The following GLIS2 variants were observed in gnomAD, a reference collection of about 807,000 sequenced individuals.
The protein encoded by GLIS2 is zinc finger protein GLIS2.
A neutral mutation model predicts 35.6 loss-of-function variants in GLIS2; 14 were observed. The ratio of observed to expected loss-of-function variants is 0.39; its 90% CI spans 0.26 to 0.61. The LOEUF (loss-of-function observed/expected upper bound fraction) is 0.61, where lower values mean the gene tolerates loss of function less well. GLIS2 is among the 20% of genes least tolerant of loss of function. The pLI, the probability that GLIS2 is intolerant of heterozygous loss-of-function variation, is 0.48. For missense variants in GLIS2, 675 were observed against 713.4 expected (o/e 0.95, Z 0.61); for synonymous variants, 368 against 325.1 (o/e 1.13, Z -1.42).
rs1030489640 is a variant in GLIS2, at chr16:4,332,555, G to A, written c.172+103G>A. ...CCAGCATGTAGCTGCAGCCCCTCTC[G>A]GCTTCCGGTTCATGGGAAGCCCGCA... On this transcript the variant is annotated intron_variant, in intron 2 of 6. Transcript: ENST00000433375. This position sits in a 1 kb window ranked among gnomAD's most constrained non-coding sequence, Gnocchi z 5.4. The A allele has an allele frequency of 1.3e-5, 18 of 1,367,214 alleles. No homozygotes were observed. Among genetic ancestry groups the A allele is most frequent in the South Asian group, 9.9e-5 (8 of 80,872 alleles). The allele number at this position is 1,367,214 out of a possible 1,614,324, so 84.7% of individuals were successfully genotyped here.
chr16:4,335,483 A>G lies in GLIS2; in HGVS notation c.775+90A>G, dbSNP rs912733393. ...GGTCCCCAGGGGGAGGGGACTGTTA[A>G]GTAAATCCCGGGCCTCAGAGATAAG... On this transcript the variant is annotated intron_variant, in intron 6 of 6. Coordinates refer to ENST00000433375, the MANE Select transcript of GLIS2 (RefSeq NM_032575.3). The surrounding 1 kb of genome is among the most constrained non-coding windows in gnomAD (Gnocchi z 4.6). 7 of 1,156,136 alleles carry G rather than the reference A, an allele frequency of 6.1e-6. No homozygotes were observed. The Admixed American group carries it at 1.2e-4, about 20-fold the overall frequency. The allele number at this position is 1,156,136 out of a possible 1,614,324, so 71.6% of individuals were successfully genotyped here.
chr16:4,332,842 T>C lies in GLIS2; in HGVS notation c.172+390T>C, dbSNP rs2053512244. On this transcript the variant is annotated intron_variant, in intron 2 of 6. Transcript: ENST00000433375. This position sits in a 1 kb window ranked among gnomAD's most constrained non-coding sequence, Gnocchi z 5.4. ...GGTGCCTCTCAGGGATTCCCGGTGC[T>C]TGGGCCCAGGGTGGTGGGCACCACT... Among the ~76,000 whole-genome samples, 1 of 152,182 alleles carries C rather than the reference T, an allele frequency of 6.6e-6. No homozygotes were observed. The highest frequency in any genetic ancestry group is 1.5e-5 in the Non-Finnish European group (1 of 68,032).
At chr16:4,317,331 G>A (rs2053324804) in intron 1 of GLIS2, among the ~76,000 whole-genome samples, 1 of 152,146 alleles carries the variant, frequency 6.6e-6, no homozygotes, top group African/African-American at 2.4e-5. Context: ...CATGGAAAGG[G>A]CCTGGGCCAT....
intron 3 of GLIS2, 105 bp from the exon 4 acceptor site, chr16:4,334,696 G>A: frequency 2.2e-6 from 3 of 1,351,992 alleles, no homozygotes; most frequent in Non-Finnish European, 3.1e-6. Context: ...CTGGGGAGAA[G>A]AGGACCTGAA....
intron 1 of GLIS2, among the ~76,000 whole-genome samples, chr16:4,321,148 G>A (rs1227622951): frequency 6.6e-6 from 1 of 152,212 alleles, no homozygotes; most frequent in Admixed American, 6.5e-5. Context: ...GCTATCTGGG[G>A]CTGGGGGCCA....
rs553673082 is a variant in GLIS2 at position 4,327,481 on chromosome 16, T to G, written c.-66-4734T>G. Among the ~76,000 whole-genome samples the G allele has an allele frequency of 8.5e-5, 13 of 152,248 alleles. No individual in the cohort carries two copies. The South Asian group carries it at 2.7e-3, about 32-fold the overall frequency. On this transcript the variant is annotated intron_variant, in intron 1 of 6. Coordinates refer to ENST00000433375, the MANE Select transcript of GLIS2 (RefSeq NM_032575.3). The stretch of plus-strand genomic sequence containing the variant: ...GAGTGTGCTGGGTCGCCCCGTGCCT[T>G]CCAGTAGGGAGGGTGGGGACAGTGG...
intron 1 of GLIS2, among the ~76,000 whole-genome samples, chr16:4,323,466 G>A (rs1015574845): frequency 6.6e-6 from 1 of 152,224 alleles, no homozygotes; most frequent in Non-Finnish European, 1.5e-5. Context: ...GCAGCGGGGG[G>A]GTGGAGGCCA....
Position 4,337,783 on chromosome 16 carries a change from T to C in GLIS2, c.*259T>C. On this transcript the variant is annotated 3_prime_UTR_variant, in exon 7 of 7. Transcript: ENST00000433375. Reference sequence around the variant, plus strand: ...CTGTCTGTCCCCCACCACCTGGCCCTCAGCTTCTGAGAGGCTTTCCCCTGC... The same window carrying C: ...CTGTCTGTCCCCCACCACCTGGCCCCCAGCTTCTGAGAGGCTTTCCCCTGC... 1.7e-6 allele frequency: 1 copy of C among 595,614 alleles called. No homozygotes were observed. Among genetic ancestry groups the C allele is most frequent in the Non-Finnish European group, 3.0e-6 (1 of 332,660 alleles). 36.9% of individuals were successfully genotyped at this position (595,614 alleles called of 1,614,324 possible).
intron 3 of GLIS2, 57 bp downstream of exon 3, chr16:4,333,576 T>C: frequency 2.0e-6 from 3 of 1,537,246 alleles, no homozygotes; most frequent in Admixed American, 1.8e-5. Context: ...GGGGTTGCCA[T>C]GACAAAGTAC....
chr16:4,337,508 C>A lies in GLIS2; in HGVS notation c.1559C>A (p.Pro520Gln). The A allele has an allele frequency of 6.4e-7, 1 of 1,561,196 alleles. No individual in the cohort carries two copies. The highest frequency in any genetic ancestry group is 2.3e-5 in the East Asian group (1 of 42,942). The change falls in exon 7 of 7, where the codon CCG becomes CAG. Residue 520 changes from proline (P) to glutamine (Q), a missense_variant. Pro to Gln is a moderately conservative substitution (Grantham distance 76). This residue lies in a region of GLIS2 where 317 missense variants were observed against 283.2 expected (regional missense o/e 1.12). Transcript: ENST00000433375. ...VIPPGSVLLK[P>Q]AVVN ...CCGCCGGGCTCGGTGCTGCTCAAAC[C>A]GGCTGTGGTGAACTGAGCCCATCCT...
At chr16:4,319,052 C>T (rs1228080353) in intron 1 of GLIS2, among the ~76,000 whole-genome samples, 4 of 152,100 alleles carry the variant, frequency 2.6e-5, no homozygotes, top group African/African-American at 9.7e-5. Flanking sequence ...GAGGCTGCCT[C>T]CGAAGGTTCC....
chr16:4,318,392 C>A (rs1025701589), intron 1 of GLIS2, among the ~76,000 whole-genome samples: 6 of 152,198 alleles, frequency 3.9e-5, no homozygotes, highest in Admixed American at 1.3e-4. Flanking sequence ...GTAAATCCAG[C>A]AAAAGCCAAC....
At chr16:4,315,662 G>A (rs1214367980), upstream of GLIS2, among the ~76,000 whole-genome samples, 1 of 142,812 alleles carries the variant, frequency 7.0e-6, no homozygotes, top group Admixed American at 6.8e-5. Context: ...CGGGGGCGGG[G>A]CCGCGGGGGG....
In GLIS2 at chr16:4,334,710, C is replaced by G. The variant is rs1029974157; in HGVS notation, c.346-91C>G. On this transcript the variant is annotated intron_variant, in intron 3 of 6. Transcript: ENST00000433375. Reference sequence around the variant, plus strand: ...GCTGGGGAGAAGAGGACCTGAATGTCTCTGTTTGGGGACACCATTCAGTCC... The same window carrying G: ...GCTGGGGAGAAGAGGACCTGAATGTGTCTGTTTGGGGACACCATTCAGTCC... 3 of 1,478,810 alleles carry G rather than the reference C, an allele frequency of 2.0e-6. No homozygotes were observed. The Admixed American group carries it at 5.0e-5, about 25-fold the overall frequency. 91.6% of individuals were successfully genotyped at this position (1,478,810 alleles called of 1,614,324 possible).
At position 4,335,946 on chromosome 16, in the gene GLIS2, A is replaced by T; in HGVS notation, c.775+553A>T. On this transcript the variant is annotated intron_variant, in intron 6 of 6. Coordinates refer to ENST00000433375, the MANE Select transcript of GLIS2 (RefSeq NM_032575.3). The surrounding 1 kb of genome is among the most constrained non-coding windows in gnomAD (Gnocchi z 4.6). Reference sequence around the variant, plus strand: ...TATGTTTTTTCCTGGTGTTTATTTCACCCTGGCAGCACATCTCCAGGTGGA... The same window carrying T: ...TATGTTTTTTCCTGGTGTTTATTTCTCCCTGGCAGCACATCTCCAGGTGGA... The T allele has an allele frequency of 5.7e-6, 1 of 176,152 alleles. No individual in the cohort carries two copies. The highest frequency in any genetic ancestry group is 1.2e-5 in the Non-Finnish European group (1 of 81,460). The allele number at this position is 176,152 out of a possible 1,614,324, so 10.9% of individuals were successfully genotyped here. A position where few individuals can be genotyped will look rare whatever the true frequency, so the allele number is the denominator to read the frequency against.
In GLIS2 at chr16:4,316,201, GC is replaced by G. The variant is rs1567214605; in HGVS notation, c.-114del. On this transcript the variant is annotated 5_prime_UTR_variant, in exon 1 of 7. Coordinates refer to ENST00000433375, the MANE Select transcript of GLIS2 (RefSeq NM_032575.3). Reference sequence around the variant, plus strand: ...GCCCCTCCCCCGCTCGGCTCCCCGCGCCCCCCGACCGCCGGAGCCCGCAGCC... The same window carrying G: ...GCCCCTCCCCCGCTCGGCTCCCCGCGCCCCCGACCGCCGGAGCCCGCAGCC... 5.3e-5 allele frequency among the ~76,000 whole-genome samples: 7 copies of G among 132,984 alleles called. No homozygotes were observed. Among genetic ancestry groups the G allele is most frequent in the African/African-American group, 1.9e-4 (7 of 36,060 alleles). The allele number at this position is 132,984 out of a possible 152,430, so 87.2% of individuals were successfully genotyped here.
At chr16:4,328,477 C>G (rs1213246333) in intron 1 of GLIS2, 1 of 152,482 alleles carries the variant, frequency 6.6e-6, no homozygotes, top group Non-Finnish European at 1.5e-5. Context: ...TGACCGTCTC[C>G]CCTCTGGGGT....
intron 1 of GLIS2, among the ~76,000 whole-genome samples, chr16:4,318,554 C>A (rs2053340225): frequency 6.6e-6 from 1 of 152,180 alleles, no homozygotes; most frequent in Non-Finnish European, 1.5e-5. Context: ...CGATTTCTTC[C>A]CCCGCCTGAA....
intron 1 of GLIS2, among the ~76,000 whole-genome samples, chr16:4,327,053 C>A (rs1190612002): frequency 6.6e-6 from 1 of 151,994 alleles, no homozygotes; most frequent in Non-Finnish European, 1.5e-5. Context: ...CCACCGTGCC[C>A]GGCCACCGGC....
Sources: gnomAD v4.1 joint callset for allele counts (sites outside exome capture counted in the v4.1 genomes callset) on GRCh38, gnomAD v4.1.1 for gene constraint, gnomAD v4.1.1 regional missense constraint, Gnocchi (gnomAD v3.1) non-coding constraint, MANE v1.5 for transcripts, NCBI Gene and HGNC (gene_info 2026-07-23, HGNC 2026-07-21) for gene names.